The following JAK2 variants were observed in gnomAD, a reference collection of about 807,000 sequenced individuals.
The protein encoded by JAK2 is tyrosine-protein kinase JAK2.
Under a neutral mutation model 139.3 loss-of-function variants are expected in JAK2, and 86 were observed. That is an observed-to-expected ratio of 0.62 (90% CI 0.52 to 0.74). JAK2 has a LOEUF of 0.74. Ranked by LOEUF, JAK2 falls within the 30% of genes least tolerant of loss-of-function variation. The pLI is 0.00. For synonymous variants in JAK2, 490 were observed against 437.7 expected (o/e 1.12, Z -1.49); for missense variants, 1,421 against 1,360.3 (o/e 1.04, Z -0.70).
At chr9:5,107,224 A>G (rs1564010836) in intron 22 of JAK2, among the ~76,000 whole-genome samples, 1 of 152,120 alleles carries the variant, frequency 6.6e-6, no homozygotes, top group Non-Finnish European at 1.5e-5. Context: ...AAAGATATTA[A>G]ATAACCTGAC....
chr9:5,047,342 GA>G (rs772429980), intron 5 of JAK2, among the ~76,000 whole-genome samples: 1 of 152,210 alleles, frequency 6.6e-6, no homozygotes, highest in African/African-American at 2.4e-5. Context: ...GTACCTGTAG[GA>G]AGACAGATTT....
chr9:4,995,783 T>G (rs1820525641), intron 2 of JAK2, among the ~76,000 whole-genome samples: 1 of 152,260 alleles, frequency 6.6e-6, no homozygotes, highest in South Asian at 2.1e-4. Context: ...TTAGTTATTC[T>G]ATTTAATTCT....
chr9:5,126,357 G>C lies in JAK2; in HGVS notation c.3202G>C (p.Asp1068His), dbSNP rs1564029535. 1.2e-6 allele frequency: 2 copies of C among 1,608,684 alleles called. No individual in the cohort carries two copies. Among genetic ancestry groups the C allele is most frequent in the Admixed American group, 3.4e-5 (2 of 59,386 alleles). ...GGAATTTATGCGTATGATTGGCAATGACAAACAAGGACAGATGATCGTGTT... is the reference window on the plus strand; with the variant it reads ...GGAATTTATGCGTATGATTGGCAATCACAAACAAGGACAGATGATCGTGTT... ...PAEFMRMIGN[D>H]KQGQMIVFHL... Residue 1068 changes from aspartate to histidine, a missense_variant, in exon 24 of 25, where the codon GAC (aspartate) becomes CAC (histidine). By Grantham distance (81) the Asp-to-His change is moderately conservative (BLOSUM62 -1). Transcript: ENST00000381652.
At chr9:5,099,067 A>T (rs1821257844) in intron 22 of JAK2, 1 of 152,174 alleles carries the variant, frequency 6.6e-6, no homozygotes, top group South Asian at 2.1e-4. Flanking sequence ...TGAAGTTGAT[A>T]ACCGAACAAT....
intron 8 of JAK2, among the ~76,000 whole-genome samples, chr9:5,062,952 T>C (rs975382211): frequency 4.6e-5 from 7 of 152,194 alleles, no homozygotes; most frequent in Non-Finnish European, 8.8e-5. Context: ...CCACAATGTA[T>C]GTTAGGTATA....
At position 5,069,166 on chromosome 9, in the gene JAK2, A is replaced by G. The variant is rs146394461; in HGVS notation, c.1471A>G (p.Ile491Val). 1.7e-5 allele frequency: 27 copies of G among 1,610,868 alleles called. No homozygotes were observed. The highest frequency in any genetic ancestry group is 2.2e-5 in the East Asian group (1 of 44,726). The change falls in exon 11 of 25, where the codon ATA becomes GTA. Residue 491 changes from isoleucine (I) to valine (V), a missense_variant. By Grantham distance (29) the Ile-to-Val change is conservative (BLOSUM62 3). Transcript: ENST00000381652. ...GATGGAAACTGTTCGCTCAGACAAT[A>G]TAATTTTCCAGTTTACTAAATGCTG... ...YQMETVRSDNIIFQFTKCCPP... is the reference protein window; with the variant it reads ...YQMETVRSDNVIFQFTKCCPP...
intron 4 of JAK2, chr9:5,042,078 C>G: frequency 4.4e-6 from 1 of 225,978 alleles, no homozygotes; most frequent in Non-Finnish European, 8.8e-6. Flanking sequence ...CGGCCCCATC[C>G]CCGGGACGAG....
In JAK2 at chr9:5,054,993, T is replaced by A; in HGVS notation, c.936+109T>A. The A allele has an allele frequency of 1.3e-6, 1 of 771,342 alleles. No individual in the cohort carries two copies. Among genetic ancestry groups the A allele is most frequent in the Non-Finnish European group, 2.0e-6 (1 of 494,368 alleles). 47.8% of individuals were successfully genotyped at this position (771,342 alleles called of 1,614,324 possible). ...ATGGTATTGCACTTCTCCCATTTGA[T>A]AGAAGTGGAAGTTTTTAATAGCGTG... On this transcript the variant is annotated intron_variant, in intron 7 of 24. Transcript: ENST00000381652. The surrounding 1 kb of genome is among the most constrained non-coding windows in gnomAD (Gnocchi z 4.9).
intron 4 of JAK2, chr9:5,040,949 A>G (rs902780178): frequency 8.7e-6 from 4 of 462,274 alleles, no homozygotes; most frequent in African/African-American, 4.1e-5. Context: ...AGCCAAGGAA[A>G]GAATCTCTAT....
intron 22 of JAK2, among the ~76,000 whole-genome samples, chr9:5,122,044 T>C (rs539667995): frequency 8.0e-4 from 121 of 152,150 alleles, no homozygotes; most frequent in Non-Finnish European, 1.5e-3. Flanking sequence ...TTTAATTACG[T>C]AGTATGGACT....
Position 5,044,534 on chromosome 9 carries a change from A to G in JAK2, c.468+14A>G. 2.1e-6 allele frequency: 3 copies of G among 1,421,676 alleles called. No homozygotes were observed. The highest frequency in any genetic ancestry group is 2.9e-6 in the Non-Finnish European group (3 of 1,022,582). The allele number at this position is 1,421,676 out of a possible 1,614,324, so 88.1% of individuals were successfully genotyped here. A position where few individuals can be genotyped will look rare whatever the true frequency, so the allele number is the denominator to read the frequency against. On this transcript the variant is annotated intron_variant, in intron 5 of 24. Transcript: ENST00000381652. ...CTCTTTGCTCAGGTATGATTATATTATCTTACTTGTACATGAGTTAAATGA... is the reference window on the plus strand; with the variant it reads ...CTCTTTGCTCAGGTATGATTATATTGTCTTACTTGTACATGAGTTAAATGA...
chr9:5,064,755 C>T (rs958404121), intron 8 of JAK2, 128 bp from the exon 9 acceptor site: 4 of 593,862 alleles, frequency 6.7e-6, no homozygotes, highest in South Asian at 5.3e-5. Flanking sequence ...ATATTGAGTA[C>T]TGAGCCATAA....
intron 4 of JAK2, among the ~76,000 whole-genome samples, chr9:5,036,923 G>A (rs1055680642): frequency 6.6e-6 from 1 of 152,142 alleles, no homozygotes; most frequent in Admixed American, 6.5e-5. Flanking sequence ...GAGTGAACAG[G>A]CAACCTACAG....
At chr9:5,060,842 C>G (rs1818118387) in intron 8 of JAK2, among the ~76,000 whole-genome samples, 1 of 152,212 alleles carries the variant, frequency 6.6e-6, no homozygotes, top group African/African-American at 2.4e-5. Context: ...GAATCACTAT[C>G]TATGGCAGCT....
intron 8 of JAK2, among the ~76,000 whole-genome samples, chr9:5,057,192 GAT>G: frequency 6.6e-6 from 1 of 151,774 alleles, no homozygotes; most frequent in South Asian, 2.1e-4. Flanking sequence ...TTTTATTCAT[GAT>G]ATGTTATGCT....
At chr9:5,020,629 A>G (rs188898443) in intron 2 of JAK2, among the ~76,000 whole-genome samples, 1 of 152,282 alleles carries the variant, frequency 6.6e-6, no homozygotes, top group East Asian at 1.9e-4. Flanking sequence ...CTCAGGGTGC[A>G]TGCAAATTTG....
chr9:5,084,882 T>A (rs1819958837), intron 19 of JAK2: 1 of 416,250 alleles, frequency 2.4e-6, no homozygotes, highest in Non-Finnish European at 4.6e-6. Context: ...ATCAATAAGT[T>A]TGATATCTTT....
rs1185874536 is a variant in JAK2 at position 5,010,215 on chromosome 9, A to G, written c.-25-11748A>G. ...TCGGAGCCGCCATGAATTCGTTTAT[A>G]TAAACTTTTAATTTTACTCCTTTTA... On this transcript the variant is annotated intron_variant, in intron 2 of 24. Transcript: ENST00000381652. Among the ~76,000 whole-genome samples, 4 of 152,116 alleles carry G rather than the reference A, an allele frequency of 2.6e-5. 1 individual carries two copies. The highest frequency in any genetic ancestry group is 2.6e-4 in the Admixed American group (4 of 15,258).
At chr9:5,044,221 C>T (rs1816831555) in intron 4 of JAK2, among the ~76,000 whole-genome samples, 182 bp from the exon 5 acceptor site, 1 of 152,170 alleles carries the variant, frequency 6.6e-6, no homozygotes, top group East Asian at 1.9e-4. Flanking sequence ...ATTTCTTGTA[C>T]TTTCTGCCTA....
Sources: allele counts gnomAD v4.1 joint callset (sites outside exome capture counted in the v4.1 genomes callset), GRCh38; gene constraint gnomAD v4.1.1; non-coding constraint Gnocchi (gnomAD v3.1); transcripts MANE v1.5; gene names NCBI Gene and HGNC (gene_info 2026-07-23, HGNC 2026-07-21).